RSPH10B: variants seen among roughly 807,000 people sequenced by gnomAD.
RSPH10B encodes radial spoke head 10 homolog B (Chlamydomonas).
RSPH10B carries 7 observed loss-of-function variants against 52.5 expected under a neutral mutation model. That is an observed-to-expected ratio of 0.13 (90% CI 0.08 to 0.25). RSPH10B has a LOEUF of 0.25. Among genes scored for constraint, RSPH10B ranks in the 10% least tolerant of loss-of-function variants. The pLI is 1.00. For missense variants in RSPH10B, 89 were observed against 542.5 expected, an observed-to-expected ratio of 0.16 and a Z score of 8.30; for synonymous variants, 28 against 193.2, an observed-to-expected ratio of 0.14 and a Z score of 7.09.
intron 6 of RSPH10B, among the ~76,000 whole-genome samples, chr7:5,956,611 A>G (rs1165618332): frequency 1.6e-4 from 24 of 149,114 alleles, no homozygotes; most frequent in Non-Finnish European, 7.5e-5. Context: ...TCACTCTGTT[A>G]CCCAGGCTAG....
At chr7:5,933,752 G>C (rs1217496737) in intron 16 of RSPH10B, among the ~76,000 whole-genome samples, 2 of 110,930 alleles carry the variant, frequency 1.8e-5, no homozygotes, top group African/African-American at 3.4e-5. Context: ...GGGCGACAGA[G>C]CGAGACTCTG....
chr7:5,930,855 C>T lies in RSPH10B; in HGVS notation c.2233+1927G>A, dbSNP rs1369151622. Among the ~76,000 whole-genome samples the T allele has an allele frequency of 6.2e-5, 3 of 48,352 alleles. No homozygotes were observed. The East Asian group carries it at 3.1e-3, about 50-fold the overall frequency. 31.7% of individuals were successfully genotyped at this position (48,352 alleles called of 152,430 possible). The stretch of plus-strand genomic sequence containing the variant: ...CAGCAAAGGTGAGCATGTACACAGC[C>T]CCCCAAGATGCCTAGCAGCAAAGGA... On this transcript the variant is annotated intron_variant, in intron 17 of 18. Transcript: ENST00000337579.
intron 18 of RSPH10B, among the ~76,000 whole-genome samples, chr7:5,926,960 G>A (rs1251441357): frequency 6.6e-6 from 1 of 150,856 alleles, no homozygotes; most frequent in Non-Finnish European, 1.5e-5. Context: ...TCACCAGGTT[G>A]GCCAGGCTGG....
intron 7 of RSPH10B, among the ~76,000 whole-genome samples, chr7:5,955,072 C>T (rs1780704337): frequency 7.6e-6 from 1 of 132,120 alleles, no homozygotes; most frequent in Non-Finnish European, 1.6e-5. Flanking sequence ...GGCTGAGGCA[C>T]AAGAATCACT....
At position 5,965,920 on chromosome 7, in the gene RSPH10B, T is replaced by G. The variant is rs1185008795; in HGVS notation, c.255-208A>C. 1.4e-4 allele frequency among the ~76,000 whole-genome samples: 17 copies of G among 119,382 alleles called. 3 individuals carry two copies. The highest frequency in any genetic ancestry group is 5.0e-4 in the Admixed American group (6 of 11,982). 78.3% of individuals were successfully genotyped at this position (119,382 alleles called of 152,430 possible). A position where few individuals can be genotyped will look rare whatever the true frequency, so the allele number is the denominator to read the frequency against. Reference sequence around the variant, plus strand: ...GAATGAAGGCGTTTCGGGGTTTTTTTGTTTGTTTTTTGGGGATTTTTTTTG... The same window carrying G: ...GAATGAAGGCGTTTCGGGGTTTTTTGGTTTGTTTTTTGGGGATTTTTTTTG... On this transcript the variant is annotated intron_variant, in intron 1 of 18. Transcript: ENST00000337579.
upstream of RSPH10B, among the ~76,000 whole-genome samples, chr7:5,968,854 T>A (rs1472476345): frequency 1.1e-4 from 6 of 54,870 alleles, 1 homozygote; most frequent in Non-Finnish European, 2.3e-4. Context: ...TTTTTTTTTT[T>A]AGACAGACTC....
chr7:5,958,010 A>C (rs71531350), exon 6 of RSPH10B: 4 of 990,418 alleles, frequency 4.0e-6, no homozygotes, highest in Non-Finnish European at 5.6e-6. Flanking sequence ...GCCTTCGTAT[A>C]TATTTCCAGA....
chr7:5,931,554 C>T (rs1237058722), intron 17 of RSPH10B, among the ~76,000 whole-genome samples: 1 of 151,170 alleles, frequency 6.6e-6, no homozygotes, highest in Non-Finnish European at 1.5e-5. Flanking sequence ...AGCAAGACCC[C>T]ATCTCTTTAA....
intron 18 of RSPH10B, among the ~76,000 whole-genome samples, chr7:5,927,689 A>C (rs1337421915): frequency 8.8e-5 from 13 of 147,232 alleles, no homozygotes; most frequent in Non-Finnish European, 1.9e-4. Context: ...TGACCCCAGC[A>C]CTTTGGGAGG....
chr7:5,929,192 T>TA (rs1484042113), intron 17 of RSPH10B, among the ~76,000 whole-genome samples: 5 of 144,862 alleles, frequency 3.5e-5, no homozygotes, highest in African/African-American at 1.3e-4. Context: ...TTTTAAGTAT[T>TA]ACTGTGAGGC....
intron 10 of RSPH10B, among the ~76,000 whole-genome samples, chr7:5,947,561 A>G (rs370595367): frequency 0.058 from 4,047 of 70,182 alleles, 582 homozygotes; most frequent in Admixed American, 0.087. Context: ...TAAAAAATAC[A>G]AAAATTAGCT....
At chr7:5,956,618 C>T (rs1465707720) in intron 6 of RSPH10B, among the ~76,000 whole-genome samples, 21 of 149,546 alleles carry the variant, frequency 1.4e-4, no homozygotes, top group African/African-American at 4.9e-4. Context: ...GTTACCCAGG[C>T]TAGAGTATGG....
chr7:5,927,060 G>GTATT lies in RSPH10B; in HGVS notation c.2433-513_2433-512insAATA, dbSNP rs1554284531. Reference sequence around the variant, plus strand: ...GTGTGTGTGTGTATTATGTGTGTGTGTGTGTGTATATGTGTGTGTGTGTGT... The same window carrying GTATT: ...GTGTGTGTGTGTATTATGTGTGTGTGTATTTGTGTGTATATGTGTGTGTGTGTGT... On this transcript the variant is annotated intron_variant, in intron 18 of 18. Coordinates refer to ENST00000337579, the Ensembl canonical transcript of RSPH10B. Among the ~76,000 whole-genome samples the GTATT allele has an allele frequency of 4.1e-5, 3 of 72,686 alleles. No individual in the cohort carries two copies. The East Asian group carries it at 1.7e-3, about 41-fold the overall frequency. The allele number at this position is 72,686 out of a possible 152,430, so 47.7% of individuals were successfully genotyped here.
At chr7:5,927,048 T>TGTGTGTGTGTGTGTGTGTGTG (rs1347951159) in intron 18 of RSPH10B, among the ~76,000 whole-genome samples, 4 of 70,828 alleles carry the variant, frequency 5.6e-5, no homozygotes, top group African/African-American at 1.3e-4. Flanking sequence ...TGTGTGTGTA[T>TGTGTGTGTGTGTGTGTGTGTG]TATGTGTGTG....
rs1562554159 is a variant in RSPH10B, at chr7:5,927,606, C to A, written c.2432+590G>T. Among the ~76,000 whole-genome samples the A allele has an allele frequency of 1.4e-5, 2 of 141,428 alleles. 1 individual carries two copies. Among genetic ancestry groups the A allele is most frequent in the African/African-American group, 5.6e-5 (2 of 35,570 alleles). The allele number at this position is 141,428 out of a possible 152,430, so 92.8% of individuals were successfully genotyped here. A position where few individuals can be genotyped will look rare whatever the true frequency, so the allele number is the denominator to read the frequency against. ...CCAGTCATCTCAATATAGTCATTAC[C>A]CCAAAGAGTCCACAGGTTTTGAACT... On this transcript the variant is annotated intron_variant, in intron 18 of 18. Transcript: ENST00000337579.
At chr7:5,956,672 G>A (rs1189433231) in intron 6 of RSPH10B, among the ~76,000 whole-genome samples, 1 of 150,720 alleles carries the variant, frequency 6.6e-6, no homozygotes, top group East Asian at 1.9e-4. Flanking sequence ...AGACTCAAGT[G>A]ATCCTCCCAC....
chr7:5,940,116 G>A (rs1406115499), intron 13 of RSPH10B, among the ~76,000 whole-genome samples: 1 of 123,044 alleles, frequency 8.1e-6, no homozygotes, highest in East Asian at 2.0e-4. Flanking sequence ...GGAATCACTT[G>A]AGCCCAGGAG....
chr7:5,933,421 T>G (rs1779871191), intron 16 of RSPH10B, among the ~76,000 whole-genome samples: 1 of 120,728 alleles, frequency 8.3e-6, no homozygotes, highest in South Asian at 2.5e-4. Context: ...CCCCAAAACT[T>G]GAAAATGTCA....
At chr7:5,931,143 G>A (rs1439077312) in intron 17 of RSPH10B, among the ~76,000 whole-genome samples, 5 of 140,626 alleles carry the variant, frequency 3.6e-5, no homozygotes, top group South Asian at 4.4e-4. Context: ...TATATTGGTC[G>A]CGCTGGTCTC....
Sources: gnomAD v4.1 joint callset for allele counts (sites outside exome capture counted in the v4.1 genomes callset) on GRCh38, gnomAD v4.1.1 for gene constraint, MANE v1.5 for transcripts, NCBI Gene and HGNC (gene_info 2026-07-23, HGNC 2026-07-21) for gene names.